The following CNTNAP5 variants were observed in gnomAD, a reference collection of about 807,000 sequenced individuals.
CNTNAP5 encodes the protein contactin-associated protein-like 5.
CNTNAP5 carries 72 observed loss-of-function variants against 150.2 expected under a neutral mutation model. That is an observed-to-expected ratio of 0.48 (90% confidence interval 0.40 to 0.58). The LOEUF (loss-of-function observed/expected upper bound fraction) is 0.58, where lower values mean the gene tolerates loss of function less well. Among genes scored for constraint, CNTNAP5 ranks in the 20% least tolerant of loss-of-function variants. CNTNAP5 has a pLI of 0.00. For missense variants in CNTNAP5, 1,636 were observed against 1,626.2 expected (o/e 1.01, Z -0.10); for synonymous variants, 672 against 619.8 (o/e 1.08, Z -1.25).
intron 13 of CNTNAP5, among the ~76,000 whole-genome samples, chr2:124,668,138 A>G (rs892076922): frequency 6.6e-6 from 1 of 152,230 alleles, no homozygotes; most frequent in Non-Finnish European, 1.5e-5. Flanking sequence ...GTCTGGTATC[A>G]GGCTCTCTTG....
At chr2:124,593,105 A>ATATT (rs1209784054) in intron 11 of CNTNAP5, among the ~76,000 whole-genome samples, 10 of 147,606 alleles carry the variant, frequency 6.8e-5, no homozygotes, top group East Asian at 2.0e-4. Context: ...CTATTTTTCA[A>ATATT]TATTTATTTA....
At chr2:124,587,860 T>TA (rs35518762) in intron 11 of CNTNAP5, among the ~76,000 whole-genome samples, 2 of 151,668 alleles carry the variant, frequency 1.3e-5, no homozygotes, top group African/African-American at 4.8e-5. Flanking sequence ...CTATTTCCCC[T>TA]AAAAAAAAGT....
intron 8 of CNTNAP5, among the ~76,000 whole-genome samples, chr2:124,508,569 T>A (rs1164485050): frequency 1.3e-5 from 2 of 152,164 alleles, no homozygotes; most frequent in Admixed American, 6.6e-5. Flanking sequence ...TTAAAATGCA[T>A]TTATGACTGA....
intron 10 of CNTNAP5, among the ~76,000 whole-genome samples, chr2:124,543,529 T>A (rs3941391): frequency 6.6e-6 from 1 of 151,910 alleles, no homozygotes; most frequent in Non-Finnish European, 1.5e-5. Flanking sequence ...ACAAAAAATT[T>A]TCGTGGAAGG....
In CNTNAP5 at chr2:124,027,233, G is replaced by A. The variant is rs35437810; in HGVS notation, c.82+1501G>A. ...CTTCTTCTGTGGAATTGTTCCCGTG[G>A]TGCTTTAGAAAAAGATCTAAGTGGT... On this transcript the variant is annotated intron_variant, in intron 1 of 23. Transcript: ENST00000682447. Among the ~76,000 whole-genome samples the A allele has an allele frequency of 7.8e-3, 1,191 of 152,206 alleles. 3 individuals carry two copies. The highest frequency in any genetic ancestry group is 0.012 in the Non-Finnish European group (805 of 68,026).
intron 11 of CNTNAP5, among the ~76,000 whole-genome samples, chr2:124,591,134 C>T (rs1573480289): frequency 6.6e-6 from 1 of 152,122 alleles, no homozygotes; most frequent in South Asian, 2.1e-4. Context: ...TTTCTGAGTA[C>T]CCCTAATACC....
intron 13 of CNTNAP5, among the ~76,000 whole-genome samples, chr2:124,692,419 T>C (rs1679317426): frequency 6.6e-6 from 1 of 152,174 alleles, no homozygotes; most frequent in Admixed American, 6.6e-5. Flanking sequence ...GCTTAAAATA[T>C]ATACAATCTG....
chr2:124,612,356 T>C (rs1558704308), intron 12 of CNTNAP5, among the ~76,000 whole-genome samples: 1 of 152,138 alleles, frequency 6.6e-6, no homozygotes, highest in Non-Finnish European at 1.5e-5. Flanking sequence ...TTAATTTTAA[T>C]GTGTTGTGTA....
At chr2:124,913,656 T>C (rs376123226) in intron 23 of CNTNAP5, among the ~76,000 whole-genome samples, 1 of 152,086 alleles carries the variant, frequency 6.6e-6, no homozygotes, top group East Asian at 1.9e-4. Context: ...TGTTAAGATG[T>C]GAGATATTTA....
At chr2:124,437,445 T>G (rs1308086534) in intron 5 of CNTNAP5, among the ~76,000 whole-genome samples, 3 of 152,214 alleles carry the variant, frequency 2.0e-5, no homozygotes, top group Non-Finnish European at 4.4e-5. Context: ...TTGTCCCATT[T>G]ATACAGATAG....
intron 21 of CNTNAP5, among the ~76,000 whole-genome samples, chr2:124,871,990 A>T (rs376298283): frequency 1.3e-5 from 2 of 151,994 alleles, no homozygotes; most frequent in African/African-American, 2.4e-5. Context: ...TGCTAATTCT[A>T]TCATCATATT....
chr2:124,899,650 C>T (rs534719207), intron 21 of CNTNAP5, among the ~76,000 whole-genome samples: 5 of 151,300 alleles, frequency 3.3e-5, no homozygotes, highest in African/African-American at 9.8e-5. Context: ...AAACAGGGAA[C>T]ACTGGTATTT....
At chr2:124,844,797 G>A (rs115682868) in intron 19 of CNTNAP5, among the ~76,000 whole-genome samples, 5,958 of 152,086 alleles carry the variant, frequency 0.039, 227 homozygotes, top group Non-Finnish European at 0.056. Flanking sequence ...GAGTAGCAGA[G>A]CTACTGATTT....
intron 12 of CNTNAP5, among the ~76,000 whole-genome samples, chr2:124,611,006 T>A (rs1677373118): frequency 6.9e-6 from 1 of 145,812 alleles, no homozygotes; most frequent in Non-Finnish European, 1.5e-5. Context: ...ATGAGCATCA[T>A]TAATTGGCAC....
chr2:124,863,680 A>G (rs1680542690), intron 19 of CNTNAP5, among the ~76,000 whole-genome samples: 1 of 152,114 alleles, frequency 6.6e-6, no homozygotes, highest in Non-Finnish European at 1.5e-5. Context: ...TCTCCCCGCA[A>G]AAGTATTCAA....
At chr2:124,230,811 C>T (rs1285322961) in intron 2 of CNTNAP5, among the ~76,000 whole-genome samples, 1 of 152,188 alleles carries the variant, frequency 6.6e-6, no homozygotes, top group East Asian at 1.9e-4. Context: ...ATATTACAGG[C>T]GTGAGCCACT....
chr2:124,390,255 G>GAAAA (rs1691076809), intron 3 of CNTNAP5, among the ~76,000 whole-genome samples: 1 of 152,068 alleles, frequency 6.6e-6, no homozygotes, highest in Non-Finnish European at 1.5e-5. Flanking sequence ...TTGTGATTTT[G>GAAAA]ATTTCTCATC....
At chr2:124,445,606 C>G (rs761668099) in intron 5 of CNTNAP5, among the ~76,000 whole-genome samples, 1 of 152,096 alleles carries the variant, frequency 6.6e-6, no homozygotes, top group Non-Finnish European at 1.5e-5. Flanking sequence ...AACCAAGTTA[C>G]TCAGTGAAGG....
chr2:124,592,216 G>C (rs1019077867), intron 11 of CNTNAP5, among the ~76,000 whole-genome samples: 1 of 152,014 alleles, frequency 6.6e-6, no homozygotes, highest in Non-Finnish European at 1.5e-5. Flanking sequence ...TTTTTTACCA[G>C]TGTTTCTTGG....
Sources: allele counts gnomAD v4.1 joint callset (sites outside exome capture counted in the v4.1 genomes callset), GRCh38; gene constraint gnomAD v4.1.1; transcripts MANE v1.5; gene names NCBI Gene and HGNC (gene_info 2026-07-23, HGNC 2026-07-21).